Variants in CHRNA5 observed in about 807,000 individuals in gnomAD.
CHRNA5 encodes the protein cholinergic receptor nicotinic alpha 5 subunit, also known as neuronal acetylcholine receptor subunit alpha-5.
A neutral mutation model predicts 41.2 loss-of-function variants in CHRNA5; 28 were observed. That is an observed-to-expected ratio of 0.68 (90% CI 0.50 to 0.93). CHRNA5 has a LOEUF of 0.93. CHRNA5 is among the 40% of genes least tolerant of loss of function. CHRNA5 has a pLI of 0.00. For missense variants in CHRNA5, 481 were observed against 581.9 expected, an observed-to-expected ratio of 0.83 and a Z score of 1.78; for synonymous variants, 188 against 205.8, an observed-to-expected ratio of 0.91 and a Z score of 0.74.
intron 5 of CHRNA5, chr15:78,591,286 A>G (rs584135): frequency 0.68 from 101,978 of 150,580 alleles, 34,791 homozygotes; most frequent in East Asian, 0.82. Flanking sequence ...CAGGAGAATC[A>G]CTTGAACCCA....
At chr15:78,589,909 A>C in exon 5 of CHRNA5, 3 of 1,614,182 alleles carry the variant, frequency 1.9e-6, no homozygotes, top group Non-Finnish European at 2.5e-6. Flanking sequence ...TGTACCATAG[A>C]TGTCACGTTT....
intron 1 of CHRNA5, among the ~76,000 whole-genome samples, chr15:78,580,389 A>G (rs2052900861): frequency 6.6e-6 from 1 of 151,916 alleles, no homozygotes; most frequent in Non-Finnish European, 1.5e-5. Context: ...TTGGAATTTC[A>G]AGATAACTCC....
intron 1 of CHRNA5, among the ~76,000 whole-genome samples, chr15:78,574,985 AAAAGG>A (rs1185712573): frequency 6.6e-6 from 1 of 151,796 alleles, no homozygotes; most frequent in African/African-American, 2.4e-5. Context: ...AAAAAAAAAA[AAAAGG>A]AAAGGAAAAA....
chr15:78,589,917 T>C (rs2052995508), exon 5 of CHRNA5: 2 of 1,614,178 alleles, frequency 1.2e-6, no homozygotes, highest in Middle Eastern at 3.3e-4. Context: ...AGATGTCACG[T>C]TTTTCCCATT....
intron 2 of CHRNA5, among the ~76,000 whole-genome samples, chr15:78,582,728 A>AT (rs1247841110): frequency 6.6e-6 from 1 of 152,182 alleles, no homozygotes; most frequent in African/African-American, 2.4e-5. Flanking sequence ...GAGGAAAAGT[A>AT]TTTAAGTACA....
At chr15:78,569,595 G>C (rs961033946) in intron 1 of CHRNA5, among the ~76,000 whole-genome samples, 1 of 151,630 alleles carries the variant, frequency 6.6e-6, no homozygotes, top group Admixed American at 6.6e-5. Context: ...CACCACGCCT[G>C]GCTAATTTTT....
intron 3 of CHRNA5, 44 bp downstream of exon 3, chr15:78,586,733 A>G: frequency 7.4e-7 from 1 of 1,350,674 alleles, no homozygotes; most frequent in East Asian, 2.3e-5. Context: ...AGTGACTGGG[A>G]CACCTATTTT....
At chr15:78,590,768 G>A in intron 5 of CHRNA5, 132 bp downstream of exon 5, 2 of 725,614 alleles carry the variant, frequency 2.8e-6, no homozygotes, top group East Asian at 2.8e-5. Flanking sequence ...CAGAATTGTT[G>A]ACATATTTTC....
At chr15:78,578,733 C>T (rs2052881833) in intron 1 of CHRNA5, among the ~76,000 whole-genome samples, 1 of 152,132 alleles carries the variant, frequency 6.6e-6, no homozygotes, top group Non-Finnish European at 1.5e-5. Context: ...CCAACCATTT[C>T]TTTTAGGTTG....
chr15:78,590,709 C>A, intron 5 of CHRNA5, 73 bp downstream of exon 5: 2 of 1,236,254 alleles, frequency 1.6e-6, no homozygotes, highest in Non-Finnish European at 2.3e-6. Context: ...TTAATTTTGG[C>A]AGAGTAAACA....
At chr15:78,568,225 G>A (rs1004095102) in intron 1 of CHRNA5, among the ~76,000 whole-genome samples, 6 of 152,078 alleles carry the variant, frequency 3.9e-5, no homozygotes, top group African/African-American at 1.2e-4. Flanking sequence ...GCTGATGAAC[G>A]GTCACAGAGC....
intron 2 of CHRNA5, among the ~76,000 whole-genome samples, chr15:78,585,029 C>T (rs950854363): frequency 6.6e-6 from 1 of 152,146 alleles, no homozygotes; most frequent in Non-Finnish European, 1.5e-5. Context: ...AAGCGGTTCT[C>T]CCACCTCAGC....
At chr15:78,580,519 G>A (rs621849) in intron 1 of CHRNA5, among the ~76,000 whole-genome samples, 91,975 of 151,956 alleles carry the variant, frequency 0.61, 28,150 homozygotes, top group Middle Eastern at 0.76. Flanking sequence ...TAACTGAGAC[G>A]TATCTGAACC....
exon 1 of CHRNA5, chr15:78,565,748 C>T: frequency 3.3e-6 from 4 of 1,202,232 alleles, no homozygotes; most frequent in Non-Finnish European, 4.1e-6. Context: ...GGGCCCCGCG[C>T]GCTCCGCCTG....
intron 1 of CHRNA5, among the ~76,000 whole-genome samples, chr15:78,577,730 C>T (rs1255641516): frequency 6.6e-6 from 1 of 151,906 alleles, no homozygotes; most frequent in Admixed American, 6.6e-5. Context: ...CTCAGGAGTT[C>T]AAGACCAGTC....
intron 2 of CHRNA5, among the ~76,000 whole-genome samples, chr15:78,582,314 C>T (rs767048418): frequency 6.6e-6 from 1 of 151,990 alleles, no homozygotes; most frequent in Admixed American, 6.6e-5. Context: ...AGCAAAACCT[C>T]ATTTCTATCA....
chr15:78,568,201 G>A (rs181197993), intron 1 of CHRNA5, among the ~76,000 whole-genome samples: 55 of 152,214 alleles, frequency 3.6e-4, no homozygotes, highest in Non-Finnish European at 6.5e-4. Context: ...TAGTCAGCCC[G>A]CAGCTATTAT....
At chr15:78,574,832 G>A (rs760436861) in intron 1 of CHRNA5, among the ~76,000 whole-genome samples, 7 of 151,986 alleles carry the variant, frequency 4.6e-5, no homozygotes, top group Non-Finnish European at 8.8e-5. Context: ...AATTAGCTGG[G>A]CATGGTGGCG....
rs749927555 is a variant in CHRNA5 at position 78,590,056 on chromosome 15, G to A, written c.665G>A (p.Ser222Asn). The A allele has an allele frequency of 2.5e-6, 4 of 1,614,230 alleles. No homozygotes were observed. The South Asian group carries it at 4.4e-5, about 18-fold the overall frequency. Residue 222 changes from serine (S) to asparagine (N), a missense_variant, in exon 5 of 6, where the codon AGT becomes AAT. By Grantham distance (46) the Ser-to-Asn change is conservative. Transcript: ENST00000299565. ...GATAATGGAGAATGGGAGATTGTGAGTGCAACAGGGAGCAAAGGAAACAGA... is the reference window on the plus strand; with the variant it reads ...GATAATGGAGAATGGGAGATTGTGAATGCAACAGGGAGCAAAGGAAACAGA...
Sources: allele counts gnomAD v4.1 joint callset (sites outside exome capture counted in the v4.1 genomes callset), GRCh38; gene constraint gnomAD v4.1.1; transcripts MANE v1.5; gene names NCBI Gene and HGNC (gene_info 2026-07-23, HGNC 2026-07-21).